PGM5: variants seen among roughly 807,000 people sequenced by gnomAD.
PGM5 encodes phosphoglucomutase-like protein 5.
Under a neutral mutation model 59.2 loss-of-function variants are expected in PGM5, and 23 were observed. The ratio of observed to expected loss-of-function variants is 0.39; its 90% CI spans 0.28 to 0.55. The LOEUF (loss-of-function observed/expected upper bound fraction) is 0.55. PGM5 is among the 20% of genes least tolerant of loss of function. PGM5 has a pLI of 0.66. For missense variants in PGM5, 574 were observed against 748.3 expected (o/e 0.77, Z 2.72); for synonymous variants, 214 against 286.0 (o/e 0.75, Z 2.54).
rs1231676429 is a variant in PGM5, at chr9:68,376,821, CTT to C, written c.262-1376_262-1375del. ...TCTTTCTTTCTTTCTTTCTTTCTTT[CTT>C]TCTTTCTTTCTCTTTCTTTCTTTCT... is the stretch of plus-strand genomic sequence containing the variant. On this transcript the variant is annotated intron_variant, in intron 1 of 10. Transcript: ENST00000396396. Among the ~76,000 whole-genome samples the C allele has an allele frequency of 1.1e-3, 119 of 111,202 alleles. 3 individuals are homozygous for C. The highest frequency in any genetic ancestry group is 3.7e-3 in the African/African-American group (99 of 26,832). 73.0% of individuals were successfully genotyped at this position (111,202 alleles called of 152,430 possible).
intron 1 of PGM5, among the ~76,000 whole-genome samples, chr9:68,376,475 C>CTGTGTGTGTGTG (rs71353047): frequency 3.2e-4 from 41 of 129,646 alleles, no homozygotes; most frequent in East Asian, 9.6e-4. Flanking sequence ...TGCTTTTGAG[C>CTGTGTGTGTGTG]TGTGTGTGTG....
At chr9:68,357,440 C>T in intron 1 of PGM5, 52 bp downstream of exon 1, 2 of 1,537,084 alleles carry the variant, frequency 1.3e-6, no homozygotes, top group Non-Finnish European at 8.7e-7. Flanking sequence ...CATGCCCTCT[C>T]CTAGCCCTTG....
rs1387825054 is a variant in PGM5, at chr9:68,478,017, A to C, written c.1160-1401A>C. ...GGCTCAGGGGAATTAATGACTTTGTAATAACTTTCCACACATCTGTGAAGT... is the reference window on the plus strand; with the variant it reads ...GGCTCAGGGGAATTAATGACTTTGTCATAACTTTCCACACATCTGTGAAGT... On this transcript the variant is annotated intron_variant, in intron 7 of 10. Transcript: ENST00000396396. Among the ~76,000 whole-genome samples, 3 of 152,270 alleles carry C rather than the reference A, an allele frequency of 2.0e-5. No homozygotes were observed. The South Asian group carries it at 6.2e-4, about 32-fold the overall frequency.
intron 6 of PGM5, among the ~76,000 whole-genome samples, chr9:68,433,269 T>A (rs1333235163): frequency 6.6e-6 from 1 of 152,238 alleles, no homozygotes; most frequent in Non-Finnish European, 1.5e-5. Context: ...CTTCTTCACA[T>A]CTCTGTGAAA....
chr9:68,438,401 T>C (rs1251419329), intron 6 of PGM5, among the ~76,000 whole-genome samples: 1 of 151,934 alleles, frequency 6.6e-6, no homozygotes, highest in Non-Finnish European at 1.5e-5. Context: ...TATCAACATT[T>C]CCTGTGGAGC....
intron 8 of PGM5, among the ~76,000 whole-genome samples, chr9:68,480,368 A>ATGGT (rs2132090379): frequency 6.6e-6 from 1 of 152,288 alleles, no homozygotes; most frequent in African/African-American, 2.4e-5. Context: ...AAGGAACCTC[A>ATGGT]TGGTTCAAGA....
chr9:68,482,312 C>T (rs935794132), intron 8 of PGM5, among the ~76,000 whole-genome samples: 2 of 152,008 alleles, frequency 1.3e-5, no homozygotes, highest in African/African-American at 4.8e-5. Context: ...GGGTCTTTAC[C>T]TTCTCCAAAT....
chr9:68,388,732 G>C (rs1285569941), intron 4 of PGM5, among the ~76,000 whole-genome samples: 1 of 152,114 alleles, frequency 6.6e-6, no homozygotes, highest in Non-Finnish European at 1.5e-5. Flanking sequence ...AGAAGTTTGA[G>C]GGCATTGCTC....
intron 3 of PGM5, among the ~76,000 whole-genome samples, chr9:68,385,972 A>C (rs1822207404): frequency 6.6e-6 from 1 of 151,730 alleles, no homozygotes; most frequent in Non-Finnish European, 1.5e-5. Context: ...ATTAGGAACA[A>C]ATAATTCCTT....
At chr9:68,434,635 A>G (rs1823416009) in intron 6 of PGM5, among the ~76,000 whole-genome samples, 1 of 152,074 alleles carries the variant, frequency 6.6e-6, no homozygotes, top group Non-Finnish European at 1.5e-5. Flanking sequence ...GACAAAACCC[A>G]TCTCTACTAA....
intron 6 of PGM5, among the ~76,000 whole-genome samples, chr9:68,436,451 A>G (rs4744594): frequency 0.15 from 22,799 of 152,158 alleles, 2,562 homozygotes; most frequent in East Asian, 0.38. Context: ...TAAAAAATGT[A>G]CTTATAGAAT....
At position 68,361,935 on chromosome 9, in the gene PGM5, T is replaced by C. The variant is rs567172670; in HGVS notation, c.261+4547T>C. Among the ~76,000 whole-genome samples, 49 of 152,140 alleles carry C rather than the reference T, an allele frequency of 3.2e-4. No individual in the cohort carries two copies. In the East Asian group the frequency reaches 9.1e-3, roughly 28 times the overall value. On this transcript the variant is annotated intron_variant, in intron 1 of 10. Transcript: ENST00000396396. ...TAGGGCGATCACTGCCTATCTCCTC[T>C]GTTATATTCCCCCTTGGGTCAAGCC... is the stretch of plus-strand genomic sequence containing the variant.
At chr9:68,517,469 C>A (rs1360608403) in intron 10 of PGM5, among the ~76,000 whole-genome samples, 1 of 152,162 alleles carries the variant, frequency 6.6e-6, no homozygotes, top group Non-Finnish European at 1.5e-5. Flanking sequence ...TATTTCACTG[C>A]CTCTAGTGTA....
At chr9:68,415,244 G>C (rs1823004297) in intron 6 of PGM5, among the ~76,000 whole-genome samples, 1 of 149,406 alleles carries the variant, frequency 6.7e-6, no homozygotes, top group Non-Finnish European at 1.5e-5. Context: ...AAAGTCTGAA[G>C]ACCTAGAGAA....
chr9:68,416,918 C>T (rs576569111), intron 6 of PGM5, among the ~76,000 whole-genome samples: 1 of 152,312 alleles, frequency 6.6e-6, no homozygotes, highest in South Asian at 2.1e-4. Flanking sequence ...TATACATCTG[C>T]TACAAAGAAA....
intron 1 of PGM5, 61 bp from the exon 2 acceptor site, chr9:68,378,138 T>C (rs1235024139): frequency 1.6e-6 from 2 of 1,287,854 alleles, no homozygotes; most frequent in Non-Finnish European, 2.1e-6. Flanking sequence ...TGGGGCACTT[T>C]CCTGTTGAAA....
At chr9:68,429,648 C>A (rs1337796719) in intron 6 of PGM5, among the ~76,000 whole-genome samples, 2 of 152,152 alleles carry the variant, frequency 1.3e-5, no homozygotes, top group Non-Finnish European at 2.9e-5. Context: ...TGACAAATAT[C>A]CCCCTCTGCA....
chr9:68,476,956 A>G (rs1202561023), intron 7 of PGM5, among the ~76,000 whole-genome samples: 1 of 151,866 alleles, frequency 6.6e-6, no homozygotes, highest in Admixed American at 6.5e-5. Context: ...ACAAAAGGGT[A>G]TTTTTCTCTA....
At chr9:68,376,497 G>A (rs1477536206) in intron 1 of PGM5, among the ~76,000 whole-genome samples, 1 of 150,652 alleles carries the variant, frequency 6.6e-6, no homozygotes, top group African/African-American at 2.4e-5. Context: ...GTGTGTGTGT[G>A]TGTGTGTGTG....
Sources: gnomAD v4.1 joint callset for allele counts (sites outside exome capture counted in the v4.1 genomes callset) on GRCh38, gnomAD v4.1.1 for gene constraint, MANE v1.5 for transcripts, NCBI Gene and HGNC (gene_info 2026-07-23, HGNC 2026-07-21) for gene names.